Variants in BNC2 observed in about 807,000 individuals in gnomAD.
The protein encoded by BNC2 is zinc finger protein basonuclin-2.
In BNC2, 20 loss-of-function variants were observed where a neutral mutation model predicts 76.3. The observed-to-expected ratio is 0.26, with a 90% CI of 0.18 to 0.38. BNC2 has a LOEUF of 0.38. Among genes scored for constraint, BNC2 ranks in the 10% least tolerant of loss-of-function variants. The probability of loss-of-function intolerance (pLI) is 1.00; values close to 1 mark genes in which losing one functional copy is unlikely to be tolerated. For synonymous variants in BNC2, 582 were observed against 514.8 expected (o/e 1.13, Z -1.77); for missense variants, 1,382 against 1,399.8 (o/e 0.99, Z 0.20).
At chr9:16,657,789 G>A (rs1198173423) in intron 3 of BNC2, among the ~76,000 whole-genome samples, 1 of 152,112 alleles carries the variant, frequency 6.6e-6, no homozygotes, top group African/African-American at 2.4e-5. Context: ...ATGCATCAAT[G>A]ACATTACATC....
chr9:16,683,382 A>G (rs1822881359), intron 3 of BNC2, among the ~76,000 whole-genome samples: 2 of 152,226 alleles, frequency 1.3e-5, no homozygotes, highest in Non-Finnish European at 2.9e-5. Context: ...TTTCTAAGAA[A>G]GAATATAAAC....
At chr9:16,647,358 G>A (rs897183600) in intron 3 of BNC2, among the ~76,000 whole-genome samples, 10 of 152,006 alleles carry the variant, frequency 6.6e-5, no homozygotes, top group South Asian at 4.2e-4. Context: ...GGTGGGGGCC[G>A]GTAGAAGGTA....
chr9:16,568,062 C>T (rs1026913150), intron 4 of BNC2, among the ~76,000 whole-genome samples: 12 of 152,016 alleles, frequency 7.9e-5, no homozygotes, highest in African/African-American at 2.9e-4. Flanking sequence ...GGGAGAAAGC[C>T]AAGTGAGCCT....
intron 1 of BNC2, among the ~76,000 whole-genome samples, chr9:16,759,526 A>G (rs1446808883): frequency 6.6e-6 from 1 of 152,152 alleles, no homozygotes; most frequent in Non-Finnish European, 1.5e-5. Context: ...AATCCCTCAA[A>G]ATACATAGGA....
chr9:16,556,949 T>C (rs779701712), intron 4 of BNC2, among the ~76,000 whole-genome samples: 1 of 152,184 alleles, frequency 6.6e-6, no homozygotes, highest in Non-Finnish European at 1.5e-5. Flanking sequence ...TGATACATGA[T>C]GATTTTTTAA....
intron 5 of BNC2, among the ~76,000 whole-genome samples, chr9:16,480,891 C>T (rs1045379946): frequency 1.5e-4 from 23 of 152,204 alleles, no homozygotes; most frequent in Non-Finnish European, 2.4e-4. Context: ...CTGAGGAGTG[C>T]GAGCACATGG....
chr9:16,791,254 G>A (rs1013347155), intron 1 of BNC2, among the ~76,000 whole-genome samples: 42 of 151,854 alleles, frequency 2.8e-4, no homozygotes, highest in African/African-American at 5.6e-4. Context: ...GTAGAGACGG[G>A]GTTTCACCAT....
At chr9:16,647,039 C>T (rs1821649096) in intron 3 of BNC2, among the ~76,000 whole-genome samples, 1 of 152,058 alleles carries the variant, frequency 6.6e-6, no homozygotes, top group South Asian at 2.1e-4. Flanking sequence ...AAAGGGGTGT[C>T]GGAAGACAAA....
At chr9:16,725,562 T>G (rs1187147008) in intron 3 of BNC2, among the ~76,000 whole-genome samples, 1 of 152,228 alleles carries the variant, frequency 6.6e-6, no homozygotes, top group Non-Finnish European at 1.5e-5. Context: ...TCTCTCCTTT[T>G]GTTGTACTAC....
intron 5 of BNC2, among the ~76,000 whole-genome samples, chr9:16,511,487 G>A (rs1259268077): frequency 1.4e-5 from 2 of 146,898 alleles, no homozygotes; most frequent in Admixed American, 1.4e-4. Context: ...GACTGCAGTG[G>A]CTCAAACATA....
chr9:16,582,550 A>C lies in BNC2; in HGVS notation c.433+433T>G, dbSNP rs147487762. 3.0e-3 allele frequency among the ~76,000 whole-genome samples: 454 copies of C among 152,266 alleles called. 9 individuals are homozygous for C. The highest frequency in any genetic ancestry group is 0.024 in the Admixed American group (361 of 15,288). On this transcript the variant is annotated intron_variant, in intron 4 of 6. Coordinates refer to ENST00000380672, the MANE Select transcript of BNC2 (RefSeq NM_017637.6). ...GACCATACAACATTTAACATCTAGA[A>C]GGATAAGCTCAGCCCCGAGCACATA...
intron 1 of BNC2, among the ~76,000 whole-genome samples, chr9:16,841,381 A>G (rs549626963): frequency 6.6e-6 from 1 of 152,310 alleles, no homozygotes; most frequent in African/African-American, 2.4e-5. Context: ...CTATACCTAC[A>G]CTGCCTATGC....
In BNC2 at chr9:16,414,355, G is replaced by C. The variant is rs768888035; in HGVS notation, c.*4634C>G. The C allele has an allele frequency of 6.6e-6, 1 of 152,180 alleles. No homozygotes were observed. Among genetic ancestry groups the C allele is most frequent in the African/African-American group, 2.4e-5 (1 of 41,430 alleles). 9.4% of individuals were successfully genotyped at this position (152,180 alleles called of 1,614,324 possible). A position where few individuals can be genotyped will look rare whatever the true frequency, so the allele number is the denominator to read the frequency against. ...TCTACTTAGTTCTGATGAAAACACTGTGATCCCTCCAGTCTTTCTGGTATC... is the reference window on the plus strand; with the variant it reads ...TCTACTTAGTTCTGATGAAAACACTCTGATCCCTCCAGTCTTTCTGGTATC... On this transcript the variant is annotated 3_prime_UTR_variant, in exon 7 of 7. Transcript: ENST00000380672.
chr9:16,460,294 T>A (rs568080760), intron 5 of BNC2, among the ~76,000 whole-genome samples: 89 of 148,836 alleles, frequency 6.0e-4, no homozygotes, highest in African/African-American at 2.2e-3. Context: ...TGGAAATAAG[T>A]GGAGGTAAAA....
chr9:16,512,053 A>G (rs1822769635), intron 5 of BNC2, among the ~76,000 whole-genome samples: 1 of 152,238 alleles, frequency 6.6e-6, no homozygotes, highest in Non-Finnish European at 1.5e-5. Flanking sequence ...CGATTAATCT[A>G]TTGATCTATT....
chr9:16,819,173 A>G (rs1409007920), intron 1 of BNC2, among the ~76,000 whole-genome samples: 1 of 152,222 alleles, frequency 6.6e-6, no homozygotes, highest in Non-Finnish European at 1.5e-5. Context: ...TCTGTACAAC[A>G]AACGGTCAAA....
intron 5 of BNC2, among the ~76,000 whole-genome samples, chr9:16,538,089 A>C (rs1248286308): frequency 6.6e-6 from 1 of 152,192 alleles, no homozygotes; most frequent in East Asian, 1.9e-4. Context: ...GAACCTTAGC[A>C]ATCATAATTT....
At chr9:16,782,152 G>A (rs914535223) in intron 1 of BNC2, among the ~76,000 whole-genome samples, 1 of 151,968 alleles carries the variant, frequency 6.6e-6, no homozygotes, top group Non-Finnish European at 1.5e-5. Context: ...GGACGTGGTG[G>A]CGTGCACCTG....
intron 6 of BNC2, among the ~76,000 whole-genome samples, chr9:16,426,464 CT>C (rs1040813688): frequency 6.6e-6 from 1 of 151,964 alleles, no homozygotes; most frequent in African/African-American, 2.4e-5. Flanking sequence ...CACACCCAGC[CT>C]AAAATGGTTA....
Sources: allele counts gnomAD v4.1 joint callset (sites outside exome capture counted in the v4.1 genomes callset), GRCh38; gene constraint gnomAD v4.1.1; transcripts MANE v1.5; gene names NCBI Gene and HGNC (gene_info 2026-07-23, HGNC 2026-07-21).